TP53I11: variants seen among roughly 807,000 people sequenced by gnomAD.
TP53I11 encodes tumor protein p53-inducible protein 11.
A neutral mutation model predicts 23.3 loss-of-function variants in TP53I11; 9 were observed. The ratio of observed to expected loss-of-function variants is 0.39; its 90% CI spans 0.23 to 0.67. The LOEUF (loss-of-function observed/expected upper bound fraction) is 0.67, where lower values mean the gene tolerates loss of function less well. TP53I11 is among the 30% of genes least tolerant of loss of function. TP53I11 has a pLI of 0.48. For synonymous variants in TP53I11, 100 were observed against 106.1 expected, an observed-to-expected ratio of 0.94 and a Z score of 0.35; for missense variants, 170 against 255.2, an observed-to-expected ratio of 0.67 and a Z score of 2.27.
chr11:44,935,684 G>C, intron 5 of TP53I11, 22 bp from the exon 6 acceptor site: 1 of 1,426,906 alleles, frequency 7.0e-7, no homozygotes, highest in South Asian at 1.2e-5. Context: ...GATGAAAAGG[G>C]GGCTGGGGGT....
intron 1 of TP53I11, chr11:44,941,182 A>G (rs1260436277): frequency 6.6e-6 from 1 of 152,220 alleles, no homozygotes; most frequent in Admixed American, 6.5e-5. Flanking sequence ...AGCAAGGTAC[A>G]TGGGTGGTGG....
chr11:44,950,814 G>GCAGGGCAGGGCAGGA lies in TP53I11; in HGVS notation c.-170_-169insTCCTGCCCTGCCCTG, dbSNP rs1862892874. ...GCAGGGCAGGGCAGGGCAGGACAGGGCAGGGCAGGGCAGGGCCGGGCCGGC... is the reference window on the plus strand; with the variant it reads ...GCAGGGCAGGGCAGGGCAGGACAGGGCAGGGCAGGGCAGGACAGGGCAGGGCAGGGCCGGGCCGGC... On this transcript the variant is annotated 5_prime_UTR_variant, in exon 1 of 7. Transcript: ENST00000525680. The GCAGGGCAGGGCAGGA allele has an allele frequency of 5.6e-5, 2 of 35,454 alleles. No individual in the cohort carries two copies. The highest frequency in any genetic ancestry group is 8.1e-5 in the Non-Finnish European group (1 of 12,416). 2.2% of individuals were successfully genotyped at this position (35,454 alleles called of 1,614,324 possible). A position where few individuals can be genotyped will look rare whatever the true frequency, so the allele number is the denominator to read the frequency against.
chr11:44,934,636 T>C lies in TP53I11; in HGVS notation c.*248A>G. 2 of 522,004 alleles carry C rather than the reference T, an allele frequency of 3.8e-6. No individual in the cohort carries two copies. Among genetic ancestry groups the C allele is most frequent in the Non-Finnish European group, 6.9e-6 (2 of 291,130 alleles). The allele number at this position is 522,004 out of a possible 1,614,324, so 32.3% of individuals were successfully genotyped here. A position where few individuals can be genotyped will look rare whatever the true frequency, so the allele number is the denominator to read the frequency against. On this transcript the variant is annotated 3_prime_UTR_variant, in exon 7 of 7. Coordinates refer to ENST00000525680, the MANE Select transcript of TP53I11 (RefSeq NM_006034.5). Reference sequence around the variant, plus strand: ...GAGACCCAAGGAAAGGAGGTATCACTGTGAGGGTGAAGAACAGGGCAGCAG... The same window carrying C: ...GAGACCCAAGGAAAGGAGGTATCACCGTGAGGGTGAAGAACAGGGCAGCAG...
At chr11:44,939,389 A>C (rs1861528724) in intron 1 of TP53I11, 1 of 152,206 alleles carries the variant, frequency 6.6e-6, no homozygotes, top group Admixed American at 6.5e-5. Flanking sequence ...CCTACCTCGG[A>C]CCACTTCCAG....
intron 5 of TP53I11, chr11:44,935,939 T>C (rs1303704362): frequency 1.9e-6 from 1 of 530,544 alleles, no homozygotes; most frequent in Non-Finnish European, 3.4e-6. Flanking sequence ...CTCGATCTCT[T>C]TATAAAGGGG....
chr11:44,936,678 T>C lies in TP53I11; in HGVS notation c.334+125A>G, dbSNP rs577016161. ...GAGAGCTTCATCAGAGGCCGGGGTGTGGGCGCAGCATCTGGCCGAAGAAAG... is the reference window on the plus strand; with the variant it reads ...GAGAGCTTCATCAGAGGCCGGGGTGCGGGCGCAGCATCTGGCCGAAGAAAG... On this transcript the variant is annotated intron_variant, in intron 5 of 6. Transcript: ENST00000525680. The surrounding 1 kb of genome is among the most constrained non-coding windows in gnomAD (Gnocchi z 4.4). 7.3e-7 allele frequency: 1 copy of C among 1,364,812 alleles called. No individual in the cohort carries two copies. The highest frequency in any genetic ancestry group is 1.5e-5 in the African/African-American group (1 of 65,998). 84.5% of individuals were successfully genotyped at this position (1,364,812 alleles called of 1,614,324 possible).
At chr11:44,946,949 G>T (rs1862445004) in intron 1 of TP53I11, 1 of 449,510 alleles carries the variant, frequency 2.2e-6, no homozygotes. Context: ...TCTTTTTGAA[G>T]GGGCCCAATT....
At chr11:44,945,940 T>C (rs919972385) in intron 1 of TP53I11, among the ~76,000 whole-genome samples, 1 of 152,166 alleles carries the variant, frequency 6.6e-6, no homozygotes, top group Non-Finnish European at 1.5e-5. Context: ...TAGCCCAGAA[T>C]CTATTGCCTG....
chr11:44,946,429 C>T (rs1268432055), intron 1 of TP53I11, among the ~76,000 whole-genome samples: 5 of 152,334 alleles, frequency 3.3e-5, no homozygotes, highest in South Asian at 2.1e-4. Context: ...CTGCAGCATC[C>T]GTCTTCCTCA....
intron 1 of TP53I11, chr11:44,946,978 A>C: frequency 2.2e-6 from 1 of 455,672 alleles, no homozygotes; most frequent in South Asian, 1.6e-5. Flanking sequence ...GGCAGAGGAA[A>C]GCCCAACCTT....
intron 2 of TP53I11, 46 bp downstream of exon 2, chr11:44,938,161 C>A: frequency 3.8e-6 from 6 of 1,582,886 alleles, no homozygotes; most frequent in Non-Finnish European, 5.1e-6. Context: ...GGTGGGTCAG[C>A]CTGGCCTCCC....
At position 44,938,344 on chromosome 11, in the gene TP53I11, C is replaced by G; in HGVS notation, c.-9G>C. 1.9e-6 allele frequency: 3 copies of G among 1,589,344 alleles called. No homozygotes were observed. The highest frequency in any genetic ancestry group is 2.6e-6 in the Non-Finnish European group (3 of 1,168,524). On this transcript the variant is annotated 5_prime_UTR_variant, in exon 2 of 7. Transcript: ENST00000525680. Reference sequence around the variant, plus strand: ...GGCTGCTTGGCCGCCATCTTCTCCTCCAGCCCGGCCTCTGCAGAAGGGCTG... The same window carrying G: ...GGCTGCTTGGCCGCCATCTTCTCCTGCAGCCCGGCCTCTGCAGAAGGGCTG...
intron 1 of TP53I11, among the ~76,000 whole-genome samples, chr11:44,944,975 G>A (rs145031163): frequency 6.6e-6 from 1 of 152,220 alleles, no homozygotes; most frequent in Non-Finnish European, 1.5e-5. Flanking sequence ...ATGGACTGCC[G>A]AGCTGTCCCC....
chr11:44,937,293 TG>T lies in TP53I11; in HGVS notation c.237+10del. ...GGGGCCAGATCTCAGGGGCTGGGGG[TG>T]GGGGCTCACCATGATGGCAATGCCG... On this transcript the variant is annotated intron_variant, in intron 4 of 6. Transcript: ENST00000525680. 3 of 1,513,464 alleles carry T rather than the reference TG, an allele frequency of 2.0e-6. No homozygotes were observed. Among genetic ancestry groups the T allele is most frequent in the Non-Finnish European group, 1.8e-6 (2 of 1,132,354 alleles). 93.8% of individuals were successfully genotyped at this position (1,513,464 alleles called of 1,614,324 possible).
intron 1 of TP53I11, among the ~76,000 whole-genome samples, chr11:44,946,112 G>A (rs148058833): frequency 4.6e-5 from 7 of 152,296 alleles, no homozygotes; most frequent in South Asian, 2.1e-4. Flanking sequence ...TAAATGGGGC[G>A]GTGGTCCCTG....
At position 44,934,765 on chromosome 11, in the gene TP53I11, C is replaced by CCTGGGGCAGGA. The variant is rs966321098; in HGVS notation, c.*108_*118dup. ...AGGAAGGCCCCCCACCCCCTGCCTC[C>CCTGGGGCAGGA]CTGGGGCAGGACTGGGGCAGGGCAG... On this transcript the variant is annotated 3_prime_UTR_variant, in exon 7 of 7. Transcript: ENST00000525680. The CCTGGGGCAGGA allele has an allele frequency of 2.1e-6, 3 of 1,411,344 alleles. 1 individual carries two copies. The South Asian group carries it at 4.0e-5, about 19-fold the overall frequency. 87.4% of individuals were successfully genotyped at this position (1,411,344 alleles called of 1,614,324 possible). A position where few individuals can be genotyped will look rare whatever the true frequency, so the allele number is the denominator to read the frequency against.
At chr11:44,948,263 C>T (rs1464304800) in intron 1 of TP53I11, among the ~76,000 whole-genome samples, 1 of 152,146 alleles carries the variant, frequency 6.6e-6, no homozygotes, top group Non-Finnish European at 1.5e-5. Context: ...GCCTCACTTC[C>T]CTCACCTGTG....
chr11:44,936,341 T>TA lies in TP53I11; in HGVS notation c.334+461dup. On this transcript the variant is annotated intron_variant, in intron 5 of 6. Coordinates refer to ENST00000525680, the MANE Select transcript of TP53I11 (RefSeq NM_006034.5). This position sits in a 1 kb window ranked among gnomAD's most constrained non-coding sequence, Gnocchi z 4.4. The stretch of plus-strand genomic sequence containing the variant: ...GAGGCATATTACCTATGCTGAGCTT[T>TA]AAAAATTGTAATTCCAAATCCTAAC... 1 of 1,218,446 alleles carries TA rather than the reference T, an allele frequency of 8.2e-7. No individual in the cohort carries two copies. Among genetic ancestry groups the TA allele is most frequent in the East Asian group, 3.3e-5 (1 of 30,338 alleles). 75.5% of individuals were successfully genotyped at this position (1,218,446 alleles called of 1,614,324 possible).
At chr11:44,937,054 C>T in intron 4 of TP53I11, 155 bp from the exon 5 acceptor site, 1 of 733,128 alleles carries the variant, frequency 1.4e-6, no homozygotes. Flanking sequence ...CCACCCGCCC[C>T]CATGCCAGGA....
Sources: gnomAD v4.1 joint callset for allele counts (sites outside exome capture counted in the v4.1 genomes callset) on GRCh38, gnomAD v4.1.1 for gene constraint, Gnocchi (gnomAD v3.1) non-coding constraint, MANE v1.5 for transcripts, NCBI Gene and HGNC (gene_info 2026-07-23, HGNC 2026-07-21) for gene names.